PTPRJ: variants seen among roughly 807,000 people sequenced by gnomAD.
PTPRJ encodes receptor-type tyrosine-protein phosphatase eta.
Under a neutral mutation model 141.3 loss-of-function variants are expected in PTPRJ, and 129 were observed. That is an observed-to-expected ratio of 0.91 (90% CI 0.79 to 1.06). The LOEUF is 1.06. PTPRJ is among the 50% of genes least tolerant of loss of function. The pLI is 0.00. For synonymous variants in PTPRJ, 610 were observed against 640.5 expected (o/e 0.95, Z 0.72); for missense variants, 1,601 against 1,679.7 (o/e 0.95, Z 0.82).
Position 48,167,112 on chromosome 11 carries a change from G to C in PTPRJ, c.3856-92G>C. 2.4e-6 allele frequency: 3 copies of C among 1,244,428 alleles called. No individual in the cohort carries two copies. In the South Asian group the frequency reaches 4.1e-5, roughly 17 times the overall value. The allele number at this position is 1,244,428 out of a possible 1,614,324, so 77.1% of individuals were successfully genotyped here. On this transcript the variant is annotated intron_variant, in intron 24 of 24. Transcript: ENST00000418331. ...TTGGGTGGATGGGGTTTGGGAGTTG[G>C]GCGGGGGAATGACCTGTTTGAAAAT...
In PTPRJ at chr11:48,126,252, G is replaced by C. The variant is rs565478085; in HGVS notation, c.1093+1066G>C. On this transcript the variant is annotated intron_variant, in intron 6 of 24. Transcript: ENST00000418331. ...GGGCCTGGGGTCCCTGCTTTTTAAA[G>C]CAGTTTGAGCAAAAGCAAAGTAGTA... Among the ~76,000 whole-genome samples the C allele has an allele frequency of 6.6e-5, 10 of 152,234 alleles. No individual in the cohort carries two copies. In the South Asian group the frequency reaches 2.1e-3, roughly 32 times the overall value.
At chr11:48,060,624 GT>G (rs572837107) in intron 1 of PTPRJ, among the ~76,000 whole-genome samples, 474 of 152,314 alleles carry the variant, frequency 3.1e-3, no homozygotes, top group Non-Finnish European at 4.9e-3. Context: ...CTTCTAGGTT[GT>G]TTAGTGTTTC....
In PTPRJ at chr11:47,980,692, C is replaced by G. The variant is rs1324617445; in HGVS notation, c.-221C>G. 1.0e-5 allele frequency: 10 copies of G among 991,540 alleles called. No homozygotes were observed. The highest frequency in any genetic ancestry group is 5.1e-4 in the Middle Eastern group (1 of 1,950). The allele number at this position is 991,540 out of a possible 1,614,324, so 61.4% of individuals were successfully genotyped here. A position where few individuals can be genotyped will look rare whatever the true frequency, so the allele number is the denominator to read the frequency against. On this transcript the variant is annotated 5_prime_UTR_variant, in exon 1 of 25. Transcript: ENST00000418331. ...CCTGCGCGCTCAGGGACGCGGCCCC[C>G]CCGCGGCAGCCGCGCTAGGCTCCGG... is the stretch of plus-strand genomic sequence containing the variant.
intron 1 of PTPRJ, among the ~76,000 whole-genome samples, chr11:48,022,888 A>G (rs1853691635): frequency 6.6e-6 from 1 of 152,122 alleles, no homozygotes; most frequent in South Asian, 2.1e-4. Context: ...TGCAGGAGGA[A>G]GTAGGTGAGC....
At chr11:48,089,515 CAAAAA>C (rs56252336) in intron 1 of PTPRJ, among the ~76,000 whole-genome samples, 1 of 116,636 alleles carries the variant, frequency 8.6e-6, no homozygotes, top group Admixed American at 8.8e-5. Flanking sequence ...GACTCCATCT[CAAAAA>C]AAAAAAAAAA....
At chr11:48,051,594 T>G (rs1457076775) in intron 1 of PTPRJ, among the ~76,000 whole-genome samples, 5 of 152,200 alleles carry the variant, frequency 3.3e-5, no homozygotes, top group Admixed American at 1.3e-4. Context: ...TAATGATAAC[T>G]AAGAGCAGTT....
chr11:47,981,638 T>C (rs761529572), intron 1 of PTPRJ, among the ~76,000 whole-genome samples: 1 of 152,192 alleles, frequency 6.6e-6, no homozygotes, highest in Non-Finnish European at 1.5e-5. Flanking sequence ...TCATGGGTGT[T>C]TAATTCGTGC....
chr11:48,156,622 T>G (rs1168295089), intron 21 of PTPRJ, among the ~76,000 whole-genome samples: 5 of 124,762 alleles, frequency 4.0e-5, no homozygotes, highest in Admixed American at 9.9e-5. Context: ...TGAGACAGGG[T>G]CTCCTCTGTC....
chr11:48,163,060 G>T (rs1277709657), intron 22 of PTPRJ, among the ~76,000 whole-genome samples: 3 of 152,124 alleles, frequency 2.0e-5, no homozygotes, highest in African/African-American at 7.2e-5. Context: ...ATTCCCAGGG[G>T]GGCTCGGGGA....
chr11:48,063,681 G>T (rs575014949), intron 1 of PTPRJ, among the ~76,000 whole-genome samples: 12 of 152,158 alleles, frequency 7.9e-5, no homozygotes, highest in Non-Finnish European at 1.6e-4. Context: ...CTAACAAAAA[G>T]CCAGAGAAGA....
chr11:48,040,863 A>G (rs576885773), intron 1 of PTPRJ, among the ~76,000 whole-genome samples: 1 of 152,092 alleles, frequency 6.6e-6, no homozygotes, highest in East Asian at 1.9e-4. Flanking sequence ...CGGCCTCCCA[A>G]AATGTTGAGA....
chr11:48,100,000 C>T lies in PTPRJ; in HGVS notation c.97-10058C>T, dbSNP rs533338304. ...AGCCCACCCTTGGACTTTCTTGGCA[C>T]GTGGGGAAGAGGGGGCCTGGGTCCT... On this transcript the variant is annotated intron_variant, in intron 1 of 24. Coordinates refer to ENST00000418331, the MANE Select transcript of PTPRJ (RefSeq NM_002843.4). Among the ~76,000 whole-genome samples the T allele has an allele frequency of 2.0e-5, 3 of 152,186 alleles. No individual in the cohort carries two copies. In the South Asian group the frequency reaches 6.2e-4, roughly 32 times the overall value.
At chr11:48,000,982 ATTT>A (rs1002159076) in intron 1 of PTPRJ, among the ~76,000 whole-genome samples, 23 of 122,860 alleles carry the variant, frequency 1.9e-4, no homozygotes, top group Non-Finnish European at 3.3e-4. Context: ...GTCCCATATA[ATTT>A]TTTTTTTTTT....
In PTPRJ at chr11:48,168,896, C is replaced by T. The variant is rs193023074; in HGVS notation, c.*1534C>T. 2 of 151,926 alleles carry T rather than the reference C, an allele frequency of 1.3e-5. No individual in the cohort carries two copies. The highest frequency in any genetic ancestry group is 1.3e-4 in the Admixed American group (2 of 15,254). The allele number at this position is 151,926 out of a possible 1,614,324, so 9.4% of individuals were successfully genotyped here. ...TTGAAGATGTTTTGAGTTTATCCTCCAATAGGCAATGAAGTTGACAAGGTT... is the reference window on the plus strand; with the variant it reads ...TTGAAGATGTTTTGAGTTTATCCTCTAATAGGCAATGAAGTTGACAAGGTT... On this transcript the variant is annotated 3_prime_UTR_variant, in exon 25 of 25. Transcript: ENST00000418331.
At chr11:48,134,111 G>A (rs540677253) in intron 8 of PTPRJ, among the ~76,000 whole-genome samples, 1 of 152,100 alleles carries the variant, frequency 6.6e-6, no homozygotes, top group Non-Finnish European at 1.5e-5. Context: ...ATTATGGTAT[G>A]TATGTTTTAC....
At chr11:48,063,177 A>G (rs1438601228) in intron 1 of PTPRJ, among the ~76,000 whole-genome samples, 1 of 152,036 alleles carries the variant, frequency 6.6e-6, no homozygotes, top group Non-Finnish European at 1.5e-5. Flanking sequence ...AAAATATAAA[A>G]ATTAGCTGGG....
chr11:48,091,774 T>C (rs941321681), intron 1 of PTPRJ, among the ~76,000 whole-genome samples: 1 of 152,184 alleles, frequency 6.6e-6, no homozygotes, highest in Non-Finnish European at 1.5e-5. Flanking sequence ...CCAAGAGGCC[T>C]TGCTCTTTAT....
At chr11:48,081,857 T>A (rs1855568074) in intron 1 of PTPRJ, among the ~76,000 whole-genome samples, 1 of 152,174 alleles carries the variant, frequency 6.6e-6, no homozygotes, top group Admixed American at 6.5e-5. Context: ...GGCTCTGTTG[T>A]TGGGCTGATG....
At chr11:48,062,666 G>A (rs1854970852) in intron 1 of PTPRJ, among the ~76,000 whole-genome samples, 1 of 152,230 alleles carries the variant, frequency 6.6e-6, no homozygotes, top group South Asian at 2.1e-4. Flanking sequence ...GGTTGGACAA[G>A]GTGCTGGAGC....
Sources: allele counts gnomAD v4.1 joint callset (sites outside exome capture counted in the v4.1 genomes callset), GRCh38; gene constraint gnomAD v4.1.1; transcripts MANE v1.5; gene names NCBI Gene and HGNC (gene_info 2026-07-23, HGNC 2026-07-21).